The following ABCC4 variants were observed in gnomAD, a reference collection of about 807,000 sequenced individuals.
The protein encoded by ABCC4 is ATP-binding cassette sub-family C member 4.
In ABCC4, 102 loss-of-function variants were observed where a neutral mutation model predicts 168.5. The ratio of observed to expected loss-of-function variants is 0.61; its 90% CI spans 0.52 to 0.71. ABCC4 has a LOEUF of 0.71. ABCC4 is among the 30% of genes least tolerant of loss of function. The pLI, the probability that ABCC4 is intolerant of heterozygous loss-of-function variation, is 0.00. For synonymous variants in ABCC4, 617 were observed against 590.7 expected (o/e 1.04, Z -0.65); for missense variants, 1,402 against 1,605.8 (o/e 0.87, Z 2.17).
intron 20 of ABCC4, among the ~76,000 whole-genome samples, chr13:95,099,111 C>G (rs1020073350): frequency 5.3e-5 from 8 of 152,128 alleles, no homozygotes; most frequent in African/African-American, 1.9e-4. Flanking sequence ...GGCAACAATT[C>G]AAATACCCAT....
chr13:95,218,935 AAGAAAG>A (rs1442417993), intron 4 of ABCC4, among the ~76,000 whole-genome samples: 1 of 26,670 alleles, frequency 3.7e-5, no homozygotes, highest in Non-Finnish European at 8.7e-5. Context: ...AAGAGAAAGA[AAGAAAG>A]AAAGAAAGAA....
rs2040115698 is a variant in ABCC4 at position 95,246,730 on chromosome 13, T to C, written c.306+245A>G. ...TTCCATGACACTGCATTTTAATTGG[T>C]TACAAGAAAAACAATAATGACCTTG... On this transcript the variant is annotated intron_variant, in intron 3 of 30. Transcript: ENST00000645237. 2.0e-5 allele frequency among the ~76,000 whole-genome samples: 3 copies of C among 152,178 alleles called. No individual in the cohort carries two copies. The South Asian group carries it at 6.2e-4, about 32-fold the overall frequency.
intron 1 of ABCC4, among the ~76,000 whole-genome samples, chr13:95,288,929 G>C (rs1217341828): frequency 6.6e-6 from 1 of 152,166 alleles, no homozygotes; most frequent in Non-Finnish European, 1.5e-5. Context: ...AATCAACTTA[G>C]AATTCATGTA....
At chr13:95,093,121 G>A (rs1357560389) in intron 20 of ABCC4, among the ~76,000 whole-genome samples, 1 of 152,086 alleles carries the variant, frequency 6.6e-6, no homozygotes, top group Non-Finnish European at 1.5e-5. Context: ...ATTCAAAGAA[G>A]AATTGGTACC....
intron 20 of ABCC4, among the ~76,000 whole-genome samples, chr13:95,086,845 A>G (rs1338006988): frequency 6.6e-6 from 1 of 152,158 alleles, no homozygotes. Context: ...TAATCAGTAG[A>G]TGGTATTTTC....
chr13:95,098,541 A>T (rs1233361887), intron 20 of ABCC4, among the ~76,000 whole-genome samples: 1 of 152,214 alleles, frequency 6.6e-6, no homozygotes, highest in African/African-American at 2.4e-5. Flanking sequence ...CAAATGTGAG[A>T]TTATGAACAG....
chr13:95,116,890 C>A (rs141268157), intron 19 of ABCC4, among the ~76,000 whole-genome samples: 2 of 152,120 alleles, frequency 1.3e-5, no homozygotes, highest in Admixed American at 1.3e-4. Context: ...TCAACGCTTC[C>A]GGAAGCCCTG....
intron 19 of ABCC4, among the ~76,000 whole-genome samples, chr13:95,120,228 C>G (rs1256666020): frequency 1.3e-5 from 2 of 151,812 alleles, no homozygotes; most frequent in African/African-American, 4.8e-5. Context: ...GGTATCCACA[C>G]TTATAGCTTC....
chr13:95,061,595 T>TGG (rs1491318907), intron 26 of ABCC4, among the ~76,000 whole-genome samples: 2 of 5,340 alleles, frequency 3.7e-4, no homozygotes, highest in East Asian at 0.011. Context: ...AATATGTGTT[T>TGG]GTGTGTGTGT....
At chr13:95,125,594 A>G (rs2035730825) in intron 19 of ABCC4, among the ~76,000 whole-genome samples, 1 of 152,244 alleles carries the variant, frequency 6.6e-6, no homozygotes. Flanking sequence ...AGAATTAATT[A>G]GGAAAGTCCA....
At position 95,058,594 on chromosome 13, in the gene ABCC4, A is replaced by AAAAAAAAAAAAAG. The variant is rs2033163283; in HGVS notation, c.3366+4109_3366+4110insCTTTTTTTTTTTT. ...AAAAAAAAAAAAAAAAAAAAAAAAG[A>AAAAAAAAAAAAAG]AAAGAAAAAGAAAAAGAAAAGAAAA... On this transcript the variant is annotated intron_variant, in intron 26 of 30. Transcript: ENST00000645237. Among the ~76,000 whole-genome samples, 53 of 41,390 alleles carry AAAAAAAAAAAAAG rather than the reference A, an allele frequency of 1.3e-3. 1 individual carries two copies. The highest frequency in any genetic ancestry group is 1.6e-3 in the Non-Finnish European group (37 of 23,230). The allele number at this position is 41,390 out of a possible 152,430, so 27.2% of individuals were successfully genotyped here.
intron 4 of ABCC4, among the ~76,000 whole-genome samples, chr13:95,220,195 G>C (rs918968219): frequency 6.6e-6 from 1 of 150,846 alleles, no homozygotes; most frequent in African/African-American, 2.4e-5. Flanking sequence ...AATATTATAA[G>C]AAACAAATAA....
intron 4 of ABCC4, among the ~76,000 whole-genome samples, chr13:95,232,977 T>C (rs183098301): frequency 5.2e-4 from 79 of 152,324 alleles, no homozygotes; most frequent in Middle Eastern, 6.8e-3. Context: ...GTGCATGGGT[T>C]TGGCATCCCT....
chr13:95,251,397 T>C (rs953402883), intron 1 of ABCC4, among the ~76,000 whole-genome samples: 1 of 152,208 alleles, frequency 6.6e-6, no homozygotes, highest in South Asian at 2.1e-4. Flanking sequence ...AATTATTTCA[T>C]TACTTGATAC....
rs148050211 is a variant in ABCC4, at chr13:95,220,427, C to T, written c.532-9646G>A. Among the ~76,000 whole-genome samples the T allele has an allele frequency of 1.1e-3, 161 of 152,042 alleles. 2 individuals carry two copies. In the Middle Eastern group the frequency reaches 0.017, roughly 16 times the overall value. On this transcript the variant is annotated intron_variant, in intron 4 of 30. Coordinates refer to ENST00000645237, the MANE Select transcript of ABCC4 (RefSeq NM_005845.5). ...TGAGTAGGCCAGATATTCAGTAATC[C>T]GAAAGTAACAGTACACAGTACTGTA...
chr13:95,250,830 GCGATCAGAGCTCACTCAGATC>G lies in ABCC4; in HGVS notation c.75-3098_75-3078del, dbSNP rs2040237058. 4.3e-5 allele frequency among the ~76,000 whole-genome samples: 6 copies of G among 139,538 alleles called. No individual in the cohort carries two copies. The South Asian group carries it at 1.4e-3, about 32-fold the overall frequency. 91.5% of individuals were successfully genotyped at this position (139,538 alleles called of 152,430 possible). On this transcript the variant is annotated intron_variant, in intron 1 of 30. Transcript: ENST00000645237. ...CCCAGGCTGGATGGAGTACAGTGGA[GCGATCAGAGCTCACTCAGATC>G]CGATCAGAGCTCAGCAGTCTCAAAC...
At chr13:95,082,467 AG>A (rs1208901135) in intron 21 of ABCC4, among the ~76,000 whole-genome samples, 1 of 152,196 alleles carries the variant, frequency 6.6e-6, no homozygotes, top group Non-Finnish European at 1.5e-5. Flanking sequence ...TTGTGATCTA[AG>A]GGGATTATTT....
chr13:95,183,783 G>A (rs187941412), intron 11 of ABCC4, among the ~76,000 whole-genome samples: 22 of 152,222 alleles, frequency 1.4e-4, no homozygotes, highest in East Asian at 5.8e-4. Flanking sequence ...GCATGGTGGC[G>A]CACACCTGTG....
At chr13:95,288,067 A>C (rs977392394) in intron 1 of ABCC4, among the ~76,000 whole-genome samples, 3 of 115,426 alleles carry the variant, frequency 2.6e-5, no homozygotes, top group Non-Finnish European at 6.7e-5. Flanking sequence ...AAATAAATAA[A>C]TATTTTATAA....
Sources: gnomAD v4.1 joint callset for allele counts (sites outside exome capture counted in the v4.1 genomes callset) on GRCh38, gnomAD v4.1.1 for gene constraint, MANE v1.5 for transcripts, NCBI Gene and HGNC (gene_info 2026-07-23, HGNC 2026-07-21) for gene names.